ACP6: variants seen among roughly 807,000 people sequenced by gnomAD.
ACP6 encodes acid phosphatase 6, lysophosphatidic.
A neutral mutation model predicts 48.1 loss-of-function variants in ACP6; 48 were observed. That is an observed-to-expected ratio of 1.00 (90% CI 0.79 to 1.27). The LOEUF (loss-of-function observed/expected upper bound fraction) is 1.27. Ranked by LOEUF, ACP6 falls within the 50% of genes most tolerant of loss-of-function variation. The pLI is 0.00. For synonymous variants in ACP6, 172 were observed against 204.2 expected (o/e 0.84, Z 1.34); for missense variants, 485 against 529.1 (o/e 0.92, Z 0.82).
chr1:147,652,664 A>G (rs1659998255), intron 6 of ACP6, 115 bp from the exon 7 acceptor site: 1 of 1,602,070 alleles, frequency 6.2e-7, no homozygotes, highest in African/African-American at 1.3e-5. Context: ...AAGAGAAGAC[A>G]GGCTCAAGAA....
chr1:147,659,979 T>C (rs1485005150), intron 1 of ACP6, among the ~76,000 whole-genome samples: 6 of 152,234 alleles, frequency 3.9e-5, no homozygotes, highest in African/African-American at 1.4e-4. Context: ...CCTTAGCCTA[T>C]GTCCTGTTAT....
chr1:147,669,683 A>T, intron 1 of ACP6, 147 bp downstream of exon 1: 1 of 788,732 alleles, frequency 1.3e-6, no homozygotes, highest in Non-Finnish European at 1.9e-6. Flanking sequence ...CTGGGGAGTC[A>T]CTGGCTACTG....
At chr1:147,637,403 A>C (rs1659326400), downstream of ACP6, among the ~76,000 whole-genome samples, 1 of 152,206 alleles carries the variant, frequency 6.6e-6, no homozygotes, top group Non-Finnish European at 1.5e-5. Flanking sequence ...CAACTTACAC[A>C]ATACTGTTCT....
At chr1:147,638,479 A>G (rs184759687), downstream of ACP6, among the ~76,000 whole-genome samples, 2 of 152,146 alleles carry the variant, frequency 1.3e-5, no homozygotes, top group African/African-American at 4.8e-5. Context: ...ATATATATGT[A>G]TATACATATA....
At position 147,670,059 on chromosome 1, in the gene ACP6, C is replaced by A; in HGVS notation, c.-11G>T. On this transcript the variant is annotated 5_prime_UTR_variant, in exon 1 of 10. Coordinates refer to ENST00000583509, the MANE Select transcript of ACP6 (RefSeq NM_016361.5). ...CACACCAGTGATCATGGTGGTAGGC[C>A]CTCGCTGCCCTCCGGGTTGAGGCTG... 6.7e-7 allele frequency: 1 copy of A among 1,490,218 alleles called. No individual in the cohort carries two copies. The highest frequency in any genetic ancestry group is 1.2e-5 in the South Asian group (1 of 81,012). 92.3% of individuals were successfully genotyped at this position (1,490,218 alleles called of 1,614,324 possible).
At chr1:147,665,791 C>G (rs1217087796) in intron 1 of ACP6, among the ~76,000 whole-genome samples, 1 of 152,116 alleles carries the variant, frequency 6.6e-6, no homozygotes, top group Non-Finnish European at 1.5e-5. Context: ...CACGTCAAGT[C>G]TAAAGTACAG....
intron 6 of ACP6, among the ~76,000 whole-genome samples, chr1:147,652,985 C>G (rs1253597586): frequency 1.3e-5 from 2 of 152,300 alleles, no homozygotes; most frequent in Non-Finnish European, 2.9e-5. Flanking sequence ...CGCCACCACG[C>G]CCGGCTAATT....
chr1:147,637,268 A>G (rs1659324037), downstream of ACP6, among the ~76,000 whole-genome samples: 1 of 152,144 alleles, frequency 6.6e-6, no homozygotes, highest in Non-Finnish European at 1.5e-5. Flanking sequence ...GACCCTCTAC[A>G]ATACTTTGCC....
At chr1:147,637,881 A>C (rs1021030244), downstream of ACP6, among the ~76,000 whole-genome samples, 2 of 152,184 alleles carry the variant, frequency 1.3e-5, no homozygotes, top group Admixed American at 1.3e-4. Flanking sequence ...CCCCAGTTGT[A>C]TGTCTTCAGT....
chr1:147,656,281 G>A (rs1260350547), intron 4 of ACP6, among the ~76,000 whole-genome samples: 2 of 152,178 alleles, frequency 1.3e-5, no homozygotes, highest in African/African-American at 4.8e-5. Flanking sequence ...GGGTTCATCT[G>A]TAAATCAAAG....
intron 1 of ACP6, among the ~76,000 whole-genome samples, chr1:147,662,930 C>A (rs984613718): frequency 5.3e-5 from 8 of 152,236 alleles, no homozygotes; most frequent in Admixed American, 3.9e-4. Context: ...CCTTTAGCAA[C>A]TACTACCCTG....
At position 147,643,260 on chromosome 1, in the gene ACP6, G is replaced by GATGAGCA; in HGVS notation, c.*4162_*4163insTGCTCAT. The stretch of plus-strand genomic sequence containing the variant: ...TTGCTCATCAGTGTTACAAGGCAAC[G>GATGAGCA]ATGTTGAACAAAACACAATGTTATT... On this transcript the variant is annotated 3_prime_UTR_variant, in exon 10 of 10. Transcript: ENST00000583509. 1 of 152,302 alleles carries GATGAGCA rather than the reference G, an allele frequency of 6.6e-6. No homozygotes were observed. Among genetic ancestry groups the GATGAGCA allele is most frequent in the Non-Finnish European group, 1.5e-5 (1 of 68,024 alleles). The allele number at this position is 152,302 out of a possible 1,614,324, so 9.4% of individuals were successfully genotyped here. A position where few individuals can be genotyped will look rare whatever the true frequency, so the allele number is the denominator to read the frequency against.
chr1:147,667,786 T>G (rs12745002), intron 1 of ACP6, among the ~76,000 whole-genome samples: 64,647 of 151,790 alleles, frequency 0.43, 15,400 homozygotes, highest in East Asian at 0.63. Flanking sequence ...GATCAAGATA[T>G]CGAGACCATC....
intron 5 of ACP6, 65 bp downstream of exon 5, chr1:147,655,096 G>T: frequency 7.4e-7 from 1 of 1,358,748 alleles, no homozygotes; most frequent in Non-Finnish European, 1.0e-6. Flanking sequence ...TATAGACAGA[G>T]TTCTGCCAGC....
At position 147,669,689 on chromosome 1, in the gene ACP6, T is replaced by TA. The variant is rs1434061713; in HGVS notation, c.219+140dup. On this transcript the variant is annotated intron_variant, in intron 1 of 9. Transcript: ENST00000583509. Reference sequence around the variant, plus strand: ...CTCAAGAGCCTGGGGAGTCACTGGCTACTGCTGTTTTCCCTTCTTCTGGAC... The same window carrying TA: ...CTCAAGAGCCTGGGGAGTCACTGGCTAACTGCTGTTTTCCCTTCTTCTGGAC... 22 of 832,044 alleles carry TA rather than the reference T, an allele frequency of 2.6e-5. No individual in the cohort carries two copies. The African/African-American group carries it at 3.3e-4, about 12-fold the overall frequency. The allele number at this position is 832,044 out of a possible 1,614,324, so 51.5% of individuals were successfully genotyped here.
chr1:147,638,500 A>G (rs1659358798), downstream of ACP6, among the ~76,000 whole-genome samples: 1 of 152,138 alleles, frequency 6.6e-6, no homozygotes, highest in African/African-American at 2.4e-5. Flanking sequence ...TTCCCATGTG[A>G]GAGAGGGTGA....
At chr1:147,641,370 G>A (rs587715476), downstream of ACP6, among the ~76,000 whole-genome samples, 326 of 152,318 alleles carry the variant, frequency 2.1e-3, no homozygotes, top group Non-Finnish European at 4.1e-3. Flanking sequence ...TGTTACAGGG[G>A]AATAGGCACA....
Position 147,669,833 on chromosome 1 carries a change from C to T in ACP6, c.216G>A (p.Glu72=), listed in dbSNP as rs1553214318. The change falls in exon 1 of 10, where the codon GAG becomes GAA. Residue 72 remains glutamate (E), a synonymous_variant. Transcript: ENST00000583509. ...CCAGCCCGGGCCGACCTCTCACCTG[C>T]TCCTCCAGCGGGAGCGGCTTGAGAG... ...RSPLKPLPLE[E]QVEWNPQLLE... is the part of the protein sequence containing the mutation. The T allele has an allele frequency of 1.3e-6, 2 of 1,586,186 alleles. No homozygotes were observed. The highest frequency in any genetic ancestry group is 1.7e-6 in the Non-Finnish European group (2 of 1,164,100).
At chr1:147,669,316 G>A (rs1286646632) in intron 1 of ACP6, among the ~76,000 whole-genome samples, 2 of 151,798 alleles carry the variant, frequency 1.3e-5, no homozygotes, top group African/African-American at 2.4e-5. Context: ...AGCAAACCCT[G>A]AGAAAAAGCA....
Sources: gnomAD v4.1 joint callset for allele counts (sites outside exome capture counted in the v4.1 genomes callset) on GRCh38, gnomAD v4.1.1 for gene constraint, MANE v1.5 for transcripts, NCBI Gene and HGNC (gene_info 2026-07-23, HGNC 2026-07-21) for gene names.